Variants in NKAIN2 observed in about 807,000 individuals in gnomAD.
NKAIN2 encodes sodium/potassium transporting ATPase interacting 2.
In NKAIN2, 14 loss-of-function variants were observed where a neutral mutation model predicts 32.6. The ratio of observed to expected loss-of-function variants is 0.43; its 90% CI spans 0.28 to 0.67. The LOEUF is 0.67. Ranked by LOEUF, NKAIN2 falls within the 30% of genes least tolerant of loss-of-function variation. NKAIN2 has a pLI of 0.17. For synonymous variants in NKAIN2, 80 were observed against 87.2 expected, an observed-to-expected ratio of 0.92 and a Z score of 0.46; for missense variants, 198 against 258.3, an observed-to-expected ratio of 0.77 and a Z score of 1.60.
intron 1 of NKAIN2, among the ~76,000 whole-genome samples, chr6:123,950,217 C>G (rs966335342): frequency 2.0e-5 from 3 of 151,726 alleles, no homozygotes; most frequent in Non-Finnish European, 4.4e-5. Flanking sequence ...ATTTTTGCAT[C>G]TATGTTCAGC....
At position 124,105,163 on chromosome 6, in the gene NKAIN2, C is replaced by G. The variant is rs906093819; in HGVS notation, c.55-177842C>G. On this transcript the variant is annotated intron_variant, in intron 1 of 6. Transcript: ENST00000368417. ...AACCAGGCAGGTATAAATATTTGAACAGGAAAAATCTCATGTTTCCTGGGT... is the reference window on the plus strand; with the variant it reads ...AACCAGGCAGGTATAAATATTTGAAGAGGAAAAATCTCATGTTTCCTGGGT... Among the ~76,000 whole-genome samples the G allele has an allele frequency of 5.3e-5, 8 of 152,274 alleles. No homozygotes were observed. In the East Asian group the frequency reaches 9.7e-4, roughly 18 times the overall value.
intron 6 of NKAIN2, chr6:124,819,070 T>G: frequency 1.3e-6 from 1 of 758,634 alleles, no homozygotes. Flanking sequence ...AGCCTGATTT[T>G]TATATCTGTG....
chr6:124,240,432 GAC>G (rs1793020875), intron 1 of NKAIN2, among the ~76,000 whole-genome samples: 1 of 151,874 alleles, frequency 6.6e-6, no homozygotes, highest in Non-Finnish European at 1.5e-5. Flanking sequence ...ACCCGGTAGA[GAC>G]ACAACAAAAA....
At chr6:124,398,146 G>A (rs960100125) in intron 3 of NKAIN2, among the ~76,000 whole-genome samples, 3 of 150,534 alleles carry the variant, frequency 2.0e-5, no homozygotes, top group Admixed American at 1.3e-4. Flanking sequence ...CCAGCTACTC[G>A]GGAGGCTGAG....
chr6:124,616,989 A>G (rs560249660), intron 3 of NKAIN2, among the ~76,000 whole-genome samples: 1 of 152,292 alleles, frequency 6.6e-6, no homozygotes, highest in African/African-American at 2.4e-5. Context: ...AAAGTCCCAG[A>G]AATGTGTTAT....
At chr6:124,184,067 A>C (rs2114555537) in intron 1 of NKAIN2, among the ~76,000 whole-genome samples, 1 of 152,284 alleles carries the variant, frequency 6.6e-6, no homozygotes, top group East Asian at 1.9e-4. Flanking sequence ...CAGAATGATG[A>C]AAAGTCATTG....
At chr6:124,653,316 A>C (rs1006809029) in intron 3 of NKAIN2, among the ~76,000 whole-genome samples, 9 of 152,130 alleles carry the variant, frequency 5.9e-5, no homozygotes, top group Non-Finnish European at 1.0e-4. Context: ...TCAATGGAAC[A>C]GAATAGAGAA....
chr6:124,079,847 G>A (rs1783869871), intron 1 of NKAIN2, among the ~76,000 whole-genome samples: 1 of 151,814 alleles, frequency 6.6e-6, no homozygotes, highest in Non-Finnish European at 1.5e-5. Context: ...CAGGAAACCT[G>A]CCTTTCTTGT....
intron 1 of NKAIN2, among the ~76,000 whole-genome samples, chr6:124,211,678 G>A (rs933494596): frequency 1.3e-5 from 2 of 151,948 alleles, no homozygotes; most frequent in Admixed American, 6.6e-5. Flanking sequence ...CCAGCAAATA[G>A]TTTAAGATTT....
intron 5 of NKAIN2, among the ~76,000 whole-genome samples, chr6:124,793,992 A>C (rs530647153): frequency 5.3e-5 from 8 of 152,176 alleles, no homozygotes; most frequent in Non-Finnish European, 1.2e-4. Flanking sequence ...CAAATCCTAC[A>C]AGAAGAAATG....
At chr6:124,257,141 CA>C (rs1367487924) in intron 1 of NKAIN2, among the ~76,000 whole-genome samples, 2 of 151,374 alleles carry the variant, frequency 1.3e-5, no homozygotes, top group African/African-American at 4.9e-5. Flanking sequence ...ATTCCATTGT[CA>C]AAATGGATGA....
At chr6:124,411,587 T>A (rs1384731519) in intron 3 of NKAIN2, among the ~76,000 whole-genome samples, 1 of 152,256 alleles carries the variant, frequency 6.6e-6, no homozygotes, top group Non-Finnish European at 1.5e-5. Flanking sequence ...GTGGGTAACC[T>A]GACCTTTCTC....
rs145512345 is a variant in NKAIN2 at position 124,271,816 on chromosome 6, T to G, written c.55-11189T>G. 1.1e-3 allele frequency among the ~76,000 whole-genome samples: 161 copies of G among 152,260 alleles called. 1 individual carries two copies. The highest frequency in any genetic ancestry group is 3.8e-3 in the African/African-American group (156 of 41,548). On this transcript the variant is annotated intron_variant, in intron 1 of 6. Coordinates refer to ENST00000368417, the MANE Select transcript of NKAIN2 (RefSeq NM_001040214.3). The stretch of plus-strand genomic sequence containing the variant: ...GTGGTCACAGATGGAGATGAGGAAC[T>G]TATTGGGAACTGGAGTAAAGGTCAC...
intron 2 of NKAIN2, among the ~76,000 whole-genome samples, chr6:124,344,864 A>G (rs2115099004): frequency 6.6e-6 from 1 of 152,230 alleles, no homozygotes; most frequent in Non-Finnish European, 1.5e-5. Flanking sequence ...AACTTCCAAC[A>G]CTATGTTGAA....
intron 4 of NKAIN2, 70 bp downstream of exon 4, chr6:124,658,456 C>T (rs987981910): frequency 6.2e-7 from 1 of 1,610,172 alleles, no homozygotes; most frequent in Non-Finnish European, 8.5e-7. Flanking sequence ...GAACTCAGTG[C>T]ACACAAATGG....
chr6:124,801,005 C>T (rs1780231342), intron 5 of NKAIN2, among the ~76,000 whole-genome samples: 1 of 152,152 alleles, frequency 6.6e-6, no homozygotes, highest in Admixed American at 6.5e-5. Flanking sequence ...AAGGGAAGCA[C>T]ACAGTCACAC....
chr6:124,460,486 G>A (rs1465548337), intron 3 of NKAIN2, among the ~76,000 whole-genome samples: 1 of 127,318 alleles, frequency 7.9e-6, no homozygotes, highest in African/African-American at 4.0e-5. Context: ...TCTTTTCAAT[G>A]CTAGTTGTAT....
At chr6:124,303,727 A>G (rs1486906766) in intron 2 of NKAIN2, among the ~76,000 whole-genome samples, 1 of 152,210 alleles carries the variant, frequency 6.6e-6, no homozygotes, top group African/African-American at 2.4e-5. Context: ...CAATCTGGAG[A>G]CAATATAAAG....
intron 1 of NKAIN2, among the ~76,000 whole-genome samples, chr6:123,926,571 A>G (rs1776014578): frequency 6.6e-6 from 1 of 152,100 alleles, no homozygotes; most frequent in South Asian, 2.1e-4. Flanking sequence ...TTCCTGCTGC[A>G]GCGCTACTTT....
Sources: gnomAD v4.1 joint callset for allele counts (sites outside exome capture counted in the v4.1 genomes callset) on GRCh38, gnomAD v4.1.1 for gene constraint, MANE v1.5 for transcripts, NCBI Gene and HGNC (gene_info 2026-07-23, HGNC 2026-07-21) for gene names.